The following SSH2 variants were observed in gnomAD, a reference collection of about 807,000 sequenced individuals.
SSH2 encodes the protein protein phosphatase Slingshot homolog 2.
SSH2 carries 37 observed loss-of-function variants against 135.2 expected under a neutral mutation model. That is an observed-to-expected ratio of 0.27 (90% confidence interval 0.21 to 0.36). The LOEUF is 0.36. SSH2 is among the 10% of genes least tolerant of loss of function. SSH2 has a pLI of 1.00. For missense variants in SSH2, 1,408 were observed against 1,765.3 expected, an observed-to-expected ratio of 0.80 and a Z score of 3.63; for synonymous variants, 628 against 646.2, an observed-to-expected ratio of 0.97 and a Z score of 0.43.
At chr17:29,693,851 T>G (rs1012641604) in intron 5 of SSH2, among the ~76,000 whole-genome samples, 5 of 152,166 alleles carry the variant, frequency 3.3e-5, no homozygotes, top group Admixed American at 6.6e-5. Context: ...GATCTTTTCC[T>G]CCTCTCTATT....
chr17:29,710,586 G>T (rs542221514), intron 3 of SSH2, among the ~76,000 whole-genome samples: 2 of 152,272 alleles, frequency 1.3e-5, no homozygotes, highest in East Asian at 3.9e-4. Flanking sequence ...CAAGGTGCTA[G>T]GACAGCTTCT....
chr17:29,668,177 C>T (rs974571571), intron 9 of SSH2, among the ~76,000 whole-genome samples: 4 of 152,224 alleles, frequency 2.6e-5, no homozygotes, highest in African/African-American at 9.6e-5. Flanking sequence ...TTGCTGCCTA[C>T]AGCCTTATCA....
In SSH2 at chr17:29,632,797, G is replaced by T; in HGVS notation, c.2397C>A (p.Ile799=). The change falls in exon 16 of 16, where the codon ATC becomes ATA. Residue 799 remains isoleucine, a synonymous_variant. Transcript: ENST00000540801. ...GVGQIQLKGD[I]LPNPCHTPKK... ...TTGGTGTATGGCATGGGTTGGGTAA[G>T]ATGTCTCCTTTCAGTTGAATCTGCC... 1 of 1,614,200 alleles carries T rather than the reference G, an allele frequency of 6.2e-7. No homozygotes were observed. Among genetic ancestry groups the T allele is most frequent in the Non-Finnish European group, 8.5e-7 (1 of 1,180,046 alleles).
chr17:29,638,038 C>T (rs986327856), intron 14 of SSH2, among the ~76,000 whole-genome samples: 8 of 151,838 alleles, frequency 5.3e-5, no homozygotes, highest in South Asian at 4.2e-4. Context: ...TCCTTGAACC[C>T]GGGAGGCAGA....
intron 1 of SSH2, among the ~76,000 whole-genome samples, chr17:29,861,274 G>A (rs1022828170): frequency 1.3e-5 from 2 of 151,958 alleles, no homozygotes; most frequent in African/African-American, 4.8e-5. Context: ...ATTGCTTTTG[G>A]CATCTGTGTC....
chr17:29,668,668 T>C (rs983603650), intron 9 of SSH2, among the ~76,000 whole-genome samples: 1 of 151,958 alleles, frequency 6.6e-6, no homozygotes, highest in African/African-American at 2.4e-5. Flanking sequence ...GCCCCAGAGG[T>C]GGAGGCTGCA....
At chr17:29,671,114 C>A (rs189018766) in intron 9 of SSH2, among the ~76,000 whole-genome samples, 52 of 152,172 alleles carry the variant, frequency 3.4e-4, no homozygotes, top group Admixed American at 2.8e-3. Flanking sequence ...ATTGTACTGA[C>A]AAGGACTTAA....
At chr17:29,733,907 TTTC>T (rs2040280285) in intron 3 of SSH2, among the ~76,000 whole-genome samples, 2 of 149,772 alleles carry the variant, frequency 1.3e-5, no homozygotes, top group Non-Finnish European at 3.0e-5. Flanking sequence ...GTTTAATTTC[TTTC>T]TTTTTTTTTT....
intron 11 of SSH2, among the ~76,000 whole-genome samples, chr17:29,657,274 TTTTTTC>T (rs1352127089): frequency 6.6e-6 from 1 of 151,044 alleles, no homozygotes; most frequent in African/African-American, 2.4e-5. Context: ...GCCTACTTTC[TTTTTTC>T]TTTTTGAGAC....
At chr17:29,635,578 T>A (rs968518283) in intron 15 of SSH2, among the ~76,000 whole-genome samples, 2 of 151,598 alleles carry the variant, frequency 1.3e-5, no homozygotes, top group African/African-American at 4.8e-5. Flanking sequence ...TGGCTAATTT[T>A]TTGTATTTTT....
At chr17:29,750,767 G>C (rs931670905) in intron 3 of SSH2, among the ~76,000 whole-genome samples, 20 of 150,730 alleles carry the variant, frequency 1.3e-4, no homozygotes, top group Non-Finnish European at 2.8e-4. Context: ...TGTAATCTCA[G>C]CACTTTGGGA....
At chr17:29,638,250 G>A (rs2035996889) in intron 14 of SSH2, among the ~76,000 whole-genome samples, 1 of 149,426 alleles carries the variant, frequency 6.7e-6, no homozygotes, top group East Asian at 2.0e-4. Flanking sequence ...GCTGTTAAAA[G>A]CTGTCAGGTC....
At chr17:29,847,895 G>A (rs1221941858) in intron 2 of SSH2, among the ~76,000 whole-genome samples, 1 of 152,116 alleles carries the variant, frequency 6.6e-6, no homozygotes, top group East Asian at 1.9e-4. Context: ...GCATTAACCT[G>A]CCCCTTAATT....
chr17:29,824,330 A>G (rs1481821821), intron 2 of SSH2, among the ~76,000 whole-genome samples: 3 of 152,194 alleles, frequency 2.0e-5, no homozygotes, highest in Non-Finnish European at 4.4e-5. Flanking sequence ...TTGTGTCAGC[A>G]TTGCTCTCAG....
intron 3 of SSH2, among the ~76,000 whole-genome samples, chr17:29,758,006 C>T (rs1437583847): frequency 2.0e-5 from 3 of 151,922 alleles, no homozygotes; most frequent in African/African-American, 7.3e-5. Flanking sequence ...GTCTTCAAGC[C>T]ATTTCACTCC....
rs563715320 is a variant in SSH2, at chr17:29,705,699, C to T, written c.189-2637G>A. 4.5e-4 allele frequency among the ~76,000 whole-genome samples: 69 copies of T among 152,296 alleles called. No individual in the cohort carries two copies. In the South Asian group the frequency reaches 0.013, roughly 29 times the overall value. On this transcript the variant is annotated intron_variant, in intron 3 of 15. Transcript: ENST00000540801. ...CTCCTCTGATCTTGTATCATCTCCCCTTTTGTTTACCATGATCTATGATTC... is the reference window on the plus strand; with the variant it reads ...CTCCTCTGATCTTGTATCATCTCCCTTTTTGTTTACCATGATCTATGATTC...
chr17:29,725,658 A>C (rs1215367694), intron 3 of SSH2, among the ~76,000 whole-genome samples: 3 of 152,228 alleles, frequency 2.0e-5, no homozygotes, highest in African/African-American at 7.2e-5. Context: ...ACAGAAAACC[A>C]AACACTGCAT....
At chr17:29,792,166 G>A (rs980356626) in intron 3 of SSH2, among the ~76,000 whole-genome samples, 11 of 151,926 alleles carry the variant, frequency 7.2e-5, no homozygotes, top group Admixed American at 3.3e-4. Context: ...GCCTACCAAA[G>A]TGCTGGGATT....
At chr17:29,849,505 G>T (rs1022787679) in intron 1 of SSH2, among the ~76,000 whole-genome samples, 1 of 150,862 alleles carries the variant, frequency 6.6e-6, no homozygotes, top group Admixed American at 6.6e-5. Flanking sequence ...AAAAAAGATG[G>T]TGCTGCTAAT....
Sources: gnomAD v4.1 joint callset for allele counts (sites outside exome capture counted in the v4.1 genomes callset) on GRCh38, gnomAD v4.1.1 for gene constraint, MANE v1.5 for transcripts, NCBI Gene and HGNC (gene_info 2026-07-23, HGNC 2026-07-21) for gene names.